Variants in AMZ1 observed in about 807,000 individuals in gnomAD.
AMZ1 encodes the protein archaemetzincin-1.
A neutral mutation model predicts 29.9 loss-of-function variants in AMZ1; 39 were observed. The observed-to-expected ratio is 1.30, with a 90% CI of 1.01 to 1.70. AMZ1 has a LOEUF of 1.70. Ranked by LOEUF, AMZ1 falls within the 40% of genes most tolerant of loss-of-function variation. The pLI is 0.00. For synonymous variants in AMZ1, 458 were observed against 304.0 expected (o/e 1.51, Z -5.27); for missense variants, 1,041 against 680.6 (o/e 1.53, Z -5.89).
In AMZ1 at chr7:2,702,709, G is replaced by A. The variant is rs931679709; in HGVS notation, c.305-13G>A. On this transcript the variant is annotated splice_polypyrimidine_tract_variant and intron_variant, in intron 2 of 6. Transcript: ENST00000683327. Reference sequence around the variant, plus strand: ...GGGGCGTCGCAGGGCTGACGGTGCTGCTCTCCCACCAGACCTGAGCGAGGA... The same window carrying A: ...GGGGCGTCGCAGGGCTGACGGTGCTACTCTCCCACCAGACCTGAGCGAGGA... The A allele has an allele frequency of 2.0e-6, 3 of 1,520,286 alleles. No homozygotes were observed. Among genetic ancestry groups the A allele is most frequent in the Non-Finnish European group, 2.6e-6 (3 of 1,133,982 alleles). 94.2% of individuals were successfully genotyped at this position (1,520,286 alleles called of 1,614,324 possible).
chr7:2,731,157 C>T lies in AMZ1; in HGVS notation n.550+21341C>T, dbSNP rs541738381. ...GACAGCCGTGGGGGCTGCTCAACGACGACAAACCCCGGGGCTTCCTCGCTC... is the reference window on the plus strand; with the variant it reads ...GACAGCCGTGGGGGCTGCTCAACGATGACAAACCCCGGGGCTTCCTCGCTC... On this transcript the variant is annotated intron_variant and non_coding_transcript_variant, in intron 4 of 4. Transcript: ENST00000489665. The surrounding 1 kb of genome is among the most constrained non-coding windows in gnomAD (Gnocchi z 6.0). 23 of 1,555,238 alleles carry T rather than the reference C, an allele frequency of 1.5e-5. No individual in the cohort carries two copies. The highest frequency in any genetic ancestry group is 5.2e-5 in the Admixed American group (3 of 58,038).
Position 2,709,530 on chromosome 7 carries a change from C to T in AMZ1, c.772-110C>T, listed in dbSNP as rs1182860907. 5 of 1,463,998 alleles carry T rather than the reference C, an allele frequency of 3.4e-6. No individual in the cohort carries two copies. In the African/African-American group the frequency reaches 5.6e-5, roughly 17 times the overall value. The allele number at this position is 1,463,998 out of a possible 1,614,324, so 90.7% of individuals were successfully genotyped here. On this transcript the variant is annotated intron_variant, in intron 5 of 6. Coordinates refer to ENST00000683327, the MANE Select transcript of AMZ1 (RefSeq NM_001384743.1). ...GGAGGGCGCCTGGACCACCTCCCGGCCATCTGGCCTCACCCAGGTCCTCAT... is the reference window on the plus strand; with the variant it reads ...GGAGGGCGCCTGGACCACCTCCCGGTCATCTGGCCTCACCCAGGTCCTCAT...
chr7:2,702,921 A>G (rs1162401710), intron 3 of AMZ1, 32 bp downstream of exon 3: 4 of 1,554,186 alleles, frequency 2.6e-6, no homozygotes, highest in Middle Eastern at 1.7e-4. Context: ...CGCTCAGGCC[A>G]AGGCAGGCCC....
Position 2,719,371 on chromosome 7 carries a change from G to A in AMZ1, c.*6493G>A, listed in dbSNP as rs1034018402. 1.3e-4 allele frequency among the ~76,000 whole-genome samples: 20 copies of A among 152,196 alleles called. No homozygotes were observed. Among genetic ancestry groups the A allele is most frequent in the Admixed American group, 3.3e-4 (5 of 15,278 alleles). On this transcript the variant is annotated 3_prime_UTR_variant, in exon 7 of 7. Transcript: ENST00000683327. ...ATGCCTAAAGAGGGCAAAGGCCCGC[G>A]CGCCTGGCAGAGCTCCCTCCTCTGC...
Position 2,700,517 on chromosome 7 carries a change from C to T in AMZ1, c.66C>T (p.Val22=). 1 of 1,607,558 alleles carries T rather than the reference C, an allele frequency of 6.2e-7. No individual in the cohort carries two copies. The highest frequency in any genetic ancestry group is 2.2e-5 in the East Asian group (1 of 44,870). ...FGPRALKDAL[V]STDAALQQLY... is the part of the protein sequence containing the mutation. ...CCCGGGCCTTGAAGGACGCTCTGGTCTCCACTGACGCAGCCCTGCAGCAGC... is the reference window on the plus strand; with the variant it reads ...CCCGGGCCTTGAAGGACGCTCTGGTTTCCACTGACGCAGCCCTGCAGCAGC... Residue 22 remains valine, a synonymous_variant, in exon 2 of 7, where the codon GTC becomes GTT. Coordinates refer to ENST00000683327, the MANE Select transcript of AMZ1 (RefSeq NM_001384743.1).
intron 4 of AMZ1, among the ~76,000 whole-genome samples, chr7:2,742,017 T>C (rs1265901046): frequency 6.6e-6 from 1 of 151,790 alleles, no homozygotes; most frequent in African/African-American, 2.4e-5. Flanking sequence ...AACACTTGAA[T>C]TTTTTTATTT....
At chr7:2,710,209 C>T (rs1562373889) in intron 6 of AMZ1, among the ~76,000 whole-genome samples, 1 of 150,688 alleles carries the variant, frequency 6.6e-6, no homozygotes, top group Non-Finnish European at 1.5e-5. Context: ...GCACAGGCCC[C>T]TTGCGAGGAG....
At chr7:2,724,630 C>G (rs1321199445), downstream of AMZ1, among the ~76,000 whole-genome samples, 1 of 151,780 alleles carries the variant, frequency 6.6e-6, no homozygotes, top group Non-Finnish European at 1.5e-5. Context: ...GCACCTGTGT[C>G]CCGCTTTGGT....
At chr7:2,703,267 C>T (rs547662053) in intron 3 of AMZ1, among the ~76,000 whole-genome samples, 13 of 152,170 alleles carry the variant, frequency 8.5e-5, no homozygotes, top group African/African-American at 2.7e-4. Flanking sequence ...CCTCAGCCTT[C>T]TGAGTAGCTG....
upstream of AMZ1, among the ~76,000 whole-genome samples, chr7:2,686,274 T>C (rs1229540554): frequency 2.0e-5 from 3 of 152,200 alleles, no homozygotes; most frequent in Admixed American, 2.0e-4. Flanking sequence ...GGCTCATACC[T>C]GTGATCTCAA....
intron 4 of AMZ1, among the ~76,000 whole-genome samples, chr7:2,725,804 G>A (rs1009079661): frequency 1.3e-5 from 2 of 152,198 alleles, no homozygotes; most frequent in Non-Finnish European, 2.9e-5. Flanking sequence ...CCAACACAAC[G>A]CCTCACAAAA....
At chr7:2,694,111 CTG>C (rs1252722734) in intron 1 of AMZ1, among the ~76,000 whole-genome samples, 2 of 152,198 alleles carry the variant, frequency 1.3e-5, no homozygotes, top group African/African-American at 4.8e-5. Context: ...CTGGGCGTGT[CTG>C]TGAGGGTGCT....
At chr7:2,710,557 C>T (rs1274832776) in intron 6 of AMZ1, among the ~76,000 whole-genome samples, 2 of 152,182 alleles carry the variant, frequency 1.3e-5, no homozygotes, top group African/African-American at 4.8e-5. Context: ...CCCTGCAGGG[C>T]CTAGCTGGGC....
At chr7:2,706,934 CTG>C (rs1788387769) in intron 3 of AMZ1, among the ~76,000 whole-genome samples, 1 of 151,876 alleles carries the variant, frequency 6.6e-6, no homozygotes, top group Non-Finnish European at 1.5e-5. Context: ...GCAGCGTGAG[CTG>C]TGATTGTACT....
chr7:2,762,391 T>G (rs865922716), upstream of AMZ1: 10 of 451,084 alleles, frequency 2.2e-5, no homozygotes, highest in Admixed American at 2.6e-4. Flanking sequence ...CCCACTTTCC[T>G]CACTGAGGAA....
intron 1 of AMZ1, among the ~76,000 whole-genome samples, chr7:2,696,456 AC>A (rs1384659080): frequency 3.5e-4 from 53 of 149,374 alleles, no homozygotes; most frequent in African/African-American, 1.2e-3. Flanking sequence ...ACGGGGTTTC[AC>A]CATGTTAGCC....
At chr7:2,738,317 G>A (rs1159713490) in intron 4 of AMZ1, among the ~76,000 whole-genome samples, 1 of 152,076 alleles carries the variant, frequency 6.6e-6, no homozygotes, top group African/African-American at 2.4e-5. Context: ...CAGATTCACT[G>A]GCAGAAATAC....
rs942134718 is a variant in AMZ1 at position 2,718,227 on chromosome 7, C to T, written c.*5349C>T. 6.6e-6 allele frequency among the ~76,000 whole-genome samples: 1 copy of T among 152,246 alleles called. No homozygotes were observed. The highest frequency in any genetic ancestry group is 1.5e-5 in the Non-Finnish European group (1 of 68,036). On this transcript the variant is annotated 3_prime_UTR_variant, in exon 7 of 7. Transcript: ENST00000683327. ...AGTCACGTGGCTCCACCCTGGGGCT[C>T]CTCTGATGCCGAGAGCTCTGGCTCT...
At chr7:2,708,831 C>T (rs1279360557) in intron 4 of AMZ1, 115 bp downstream of exon 4, 4 of 1,507,366 alleles carry the variant, frequency 2.7e-6, no homozygotes, top group Non-Finnish European at 3.6e-6. Context: ...TGGTGGAAGT[C>T]AACACCTGTG....
Sources: gnomAD v4.1 joint callset for allele counts (sites outside exome capture counted in the v4.1 genomes callset) on GRCh38, gnomAD v4.1.1 for gene constraint, Gnocchi (gnomAD v3.1) non-coding constraint, MANE v1.5 for transcripts, NCBI Gene and HGNC (gene_info 2026-07-23, HGNC 2026-07-21) for gene names.